SFMBT1: variants seen among roughly 807,000 people sequenced by gnomAD.
SFMBT1 encodes the protein scm-like with four MBT domains protein 1.
A neutral mutation model predicts 108.7 loss-of-function variants in SFMBT1; 32 were observed. That is an observed-to-expected ratio of 0.29 (90% CI 0.22 to 0.40). SFMBT1 has a LOEUF of 0.40. SFMBT1 is among the 10% of genes least tolerant of loss of function. The pLI is 1.00. For missense variants in SFMBT1, 816 were observed against 1,059.6 expected (o/e 0.77, Z 3.19); for synonymous variants, 348 against 369.5 (o/e 0.94, Z 0.67).
At chr3:52,993,841 C>T (rs2106900404) in intron 1 of SFMBT1, among the ~76,000 whole-genome samples, 1 of 150,110 alleles carries the variant, frequency 6.7e-6, no homozygotes, top group South Asian at 2.1e-4. Context: ...CCTTTTATAA[C>T]AATAAAACAG....
chr3:53,034,604 T>G (rs1162057700), intron 1 of SFMBT1, among the ~76,000 whole-genome samples: 1 of 151,552 alleles, frequency 6.6e-6, no homozygotes, highest in Non-Finnish European at 1.5e-5. Context: ...TAATTAAAAA[T>G]AAATTTAAAA....
intron 1 of SFMBT1, among the ~76,000 whole-genome samples, chr3:53,043,571 A>G (rs552619476): frequency 6.6e-6 from 1 of 152,336 alleles, no homozygotes; most frequent in South Asian, 2.1e-4. Context: ...AGGAAAATTC[A>G]TGATTCATTC....
chr3:52,989,555 C>G (rs1452585637), intron 1 of SFMBT1, among the ~76,000 whole-genome samples: 1 of 151,774 alleles, frequency 6.6e-6, no homozygotes, highest in African/African-American at 2.4e-5. Flanking sequence ...AATACCAACA[C>G]TTTGGGAGGC....
intron 1 of SFMBT1, among the ~76,000 whole-genome samples, chr3:53,020,107 A>G (rs1309039404): frequency 1.3e-5 from 2 of 152,106 alleles, no homozygotes; most frequent in African/African-American, 4.8e-5. Context: ...GTACCAAGAA[A>G]AAAAAAAGTA....
intron 1 of SFMBT1, among the ~76,000 whole-genome samples, chr3:52,994,642 G>A (rs984107464): frequency 1.3e-5 from 2 of 150,310 alleles, no homozygotes; most frequent in Non-Finnish European, 3.0e-5. Flanking sequence ...TGGGATTACA[G>A]GTGTGCACCA....
At chr3:52,912,742 T>C in intron 15 of SFMBT1, 95 bp from the exon 16 acceptor site, 1 of 921,286 alleles carries the variant, frequency 1.1e-6, no homozygotes, top group Non-Finnish European at 1.7e-6. Flanking sequence ...TAAGATTATT[T>C]AGGAGGTTAA....
chr3:52,907,275 C>A lies in SFMBT1; in HGVS notation c.2125G>T (p.Asp709Tyr). Residue 709 changes from aspartate to tyrosine, a missense_variant, in exon 19 of 21, where the codon GAT (aspartate) becomes TAT (tyrosine). Coordinates refer to ENST00000394752, the MANE Select transcript of SFMBT1 (RefSeq NM_016329.4). ...CTGCCTTCACTTAGGGAATCATCAT[C>A]CCCTTCATCTGGGTCATCCTCATCT... ...GEDEDDPDEGDDDSLSEGSTS... is the reference protein window; with the variant it reads ...GEDEDDPDEGYDDSLSEGSTS... 1.9e-6 allele frequency: 3 copies of A among 1,613,960 alleles called. No individual in the cohort carries two copies. Among genetic ancestry groups the A allele is most frequent in the South Asian group, 1.1e-5 (1 of 91,082 alleles).
chr3:52,911,042 A>T lies in SFMBT1; in HGVS notation c.1867T>A (p.Cys623Ser). Reference protein sequence around the residue: ...LFGPRMVLDKCSENCSVLTKT... With the variant: ...LFGPRMVLDKSSENCSVLTKT... ...GTAAGTACAGAACAGTTCTCAGAAC[A>T]CTTATCCAGAACCATCCGTGGACCG... The change falls in exon 17 of 21, where the codon TGT becomes AGT. Residue 623 changes from cysteine (C) to serine (S), a missense_variant. Transcript: ENST00000394752. 6.2e-7 allele frequency: 1 copy of T among 1,614,218 alleles called. No individual in the cohort carries two copies. The highest frequency in any genetic ancestry group is 2.2e-5 in the East Asian group (1 of 44,884).
intron 18 of SFMBT1, 115 bp from the exon 19 acceptor site, chr3:52,907,429 G>C: frequency 6.6e-7 from 1 of 1,516,608 alleles, no homozygotes; most frequent in Non-Finnish European, 8.8e-7. Flanking sequence ...CAGTTCTTGG[G>C]CCACAAAACC....
intron 2 of SFMBT1, among the ~76,000 whole-genome samples, chr3:52,963,741 C>T (rs1575405839): frequency 6.6e-6 from 1 of 152,116 alleles, no homozygotes. Flanking sequence ...CGTGAGCCAC[C>T]GGGTCTGGCC....
At position 52,945,136 on chromosome 3, in the gene SFMBT1, T is replaced by TAAAAAAAAAA. The variant is rs367727549; in HGVS notation, c.124-1553_124-1544dup. Among the ~76,000 whole-genome samples, 246 of 48,492 alleles carry TAAAAAAAAAA rather than the reference T, an allele frequency of 5.1e-3. 37 individuals carry two copies. The highest frequency in any genetic ancestry group is 0.019 in the Admixed American group (91 of 4,702). The allele number at this position is 48,492 out of a possible 152,430, so 31.8% of individuals were successfully genotyped here. On this transcript the variant is annotated intron_variant, in intron 3 of 20. Coordinates refer to ENST00000394752, the MANE Select transcript of SFMBT1 (RefSeq NM_016329.4). Reference sequence around the variant, plus strand: ...TGATTTCCAAATACCACCTTCCAATTAAAAAAAAAAAAAAACAAGGACTTC... The same window carrying TAAAAAAAAAA: ...TGATTTCCAAATACCACCTTCCAATTAAAAAAAAAAAAAAAAAAAAAAAAACAAGGACTTC...
At chr3:52,951,079 G>A (rs1212480504) in intron 3 of SFMBT1, among the ~76,000 whole-genome samples, 1 of 126,982 alleles carries the variant, frequency 7.9e-6, no homozygotes, top group Non-Finnish European at 1.6e-5. Context: ...TCACACCACT[G>A]CACTCCAGTC....
At chr3:52,997,068 CA>C (rs1239565160) in intron 1 of SFMBT1, among the ~76,000 whole-genome samples, 1 of 130,370 alleles carries the variant, frequency 7.7e-6, no homozygotes, top group Admixed American at 8.0e-5. Context: ...GACTCAGTCT[CA>C]AAAAAAAACA....
intron 8 of SFMBT1, 131 bp downstream of exon 8, chr3:52,930,198 G>T: frequency 3.1e-6 from 2 of 635,670 alleles, no homozygotes; most frequent in Non-Finnish European, 5.6e-6. Flanking sequence ...GTGCACAGAA[G>T]TAATTCTAGC....
chr3:53,005,305 T>C (rs1346575808), intron 1 of SFMBT1, among the ~76,000 whole-genome samples: 5 of 152,262 alleles, frequency 3.3e-5, no homozygotes, highest in South Asian at 2.1e-4. Context: ...GTTTAAGCCA[T>C]GTGGGTTTTT....
intron 1 of SFMBT1, among the ~76,000 whole-genome samples, chr3:52,984,255 G>A (rs186618437): frequency 6.6e-6 from 1 of 152,322 alleles, no homozygotes; most frequent in East Asian, 1.9e-4. Context: ...TTTGTTCTTG[G>A]AGTTTTCAGG....
At chr3:52,967,608 A>G (rs1704190168) in intron 2 of SFMBT1, among the ~76,000 whole-genome samples, 1 of 152,234 alleles carries the variant, frequency 6.6e-6, no homozygotes, top group Non-Finnish European at 1.5e-5. Flanking sequence ...AAACCTCAAC[A>G]AAAAAACCAA....
intron 3 of SFMBT1, among the ~76,000 whole-genome samples, chr3:52,951,192 A>AAC (rs1703579430): frequency 7.7e-6 from 1 of 130,336 alleles, no homozygotes; most frequent in African/African-American, 2.9e-5. Context: ...AAAAAAAAAA[A>AAC]CACACATTCC....
chr3:53,028,578 TG>T (rs901090251), intron 1 of SFMBT1, among the ~76,000 whole-genome samples: 11 of 151,330 alleles, frequency 7.3e-5, no homozygotes, highest in Non-Finnish European at 1.3e-4. Flanking sequence ...GAGGCTGAGA[TG>T]GGAAAACAGC....
Sources: gnomAD v4.1 joint callset for allele counts (sites outside exome capture counted in the v4.1 genomes callset) on GRCh38, gnomAD v4.1.1 for gene constraint, MANE v1.5 for transcripts, NCBI Gene and HGNC (gene_info 2026-07-23, HGNC 2026-07-21) for gene names.